MTMR4: variants seen among roughly 807,000 people sequenced by gnomAD.
MTMR4 encodes the protein myotubularin related protein 4.
Under a neutral mutation model 125.5 loss-of-function variants are expected in MTMR4, and 30 were observed. That is an observed-to-expected ratio of 0.24 (90% CI 0.18 to 0.32). The LOEUF is 0.32. MTMR4 is among the 10% of genes least tolerant of loss of function. The pLI is 1.00. For synonymous variants in MTMR4, 498 were observed against 564.5 expected (o/e 0.88, Z 1.67); for missense variants, 1,039 against 1,511.5 (o/e 0.69, Z 5.18).
rs1190365056 is a variant in MTMR4, at chr17:58,504,052, T to A, written c.1696A>T (p.Met566Leu). 6.4e-7 allele frequency: 1 copy of A among 1,553,824 alleles called. No homozygotes were observed. The highest frequency in any genetic ancestry group is 1.4e-5 in the African/African-American group (1 of 72,728). ...ACAGGAAAAGGGCTCAGACTCACCA[T>A]GTCTGAGCTGGGTGTGTAGAGGAAG... ...HNFLYTPSSDMVLHPVCHVRA... is the reference protein window; with the variant it reads ...HNFLYTPSSDLVLHPVCHVRA... The change falls in exon 13 of 18, where the codon ATG becomes TTG. Residue 566 changes from methionine (M) to leucine (L), a missense_variant and splice_region_variant. Around this residue, in one of 6 missense-constraint regions of MTMR4, gnomAD observed 619 missense variants for 714.5 expected, o/e 0.87. Transcript: ENST00000682306. This position sits in a 1 kb window ranked among gnomAD's most constrained non-coding sequence, Gnocchi z 7.1.
At position 58,514,458 on chromosome 17, in the gene MTMR4, C is replaced by T. The variant is rs1339190386; in HGVS notation, c.-51G>A. The T allele has an allele frequency of 2.4e-5, 24 of 984,798 alleles. No individual in the cohort carries two copies. The highest frequency in any genetic ancestry group is 2.8e-5 in the Non-Finnish European group (23 of 829,650). 61.0% of individuals were successfully genotyped at this position (984,798 alleles called of 1,614,324 possible). ...ACATGTCCCCGGAGCCGCTGCGCTG[C>T]CCGCCAGCCCCGGGCGCCCGCCGCA... On this transcript the variant is annotated 5_prime_UTR_variant, in exon 1 of 18. Coordinates refer to ENST00000682306, the MANE Select transcript of MTMR4 (RefSeq NM_001378067.1).
At chr17:58,517,226 C>T (rs902461361), upstream of MTMR4, among the ~76,000 whole-genome samples, 1 of 152,366 alleles carries the variant, frequency 6.6e-6, no homozygotes. Context: ...GGAGGCCACA[C>T]AACAGGGACA....
intron 1 of MTMR4, among the ~76,000 whole-genome samples, chr17:58,513,215 C>T (rs1258532021): frequency 6.6e-6 from 1 of 152,092 alleles, no homozygotes; most frequent in African/African-American, 2.4e-5. Context: ...ATAGAACCAA[C>T]ATTTCAAAAA....
chr17:58,492,379 C>T (rs1878573085), intron 17 of MTMR4, 132 bp downstream of exon 17: 2 of 739,928 alleles, frequency 2.7e-6, no homozygotes, highest in African/African-American at 1.8e-5. Context: ...CCATGTTGGC[C>T]AGGATGGTCT....
chr17:58,517,327 G>A (rs2042030830), upstream of MTMR4, among the ~76,000 whole-genome samples: 1 of 152,240 alleles, frequency 6.6e-6, no homozygotes, highest in Non-Finnish European at 1.5e-5. Context: ...GGCTCACTTA[G>A]GGAGCCAGGC....
At chr17:58,515,815 A>G (rs1976073663), upstream of MTMR4, among the ~76,000 whole-genome samples, 1 of 152,200 alleles carries the variant, frequency 6.6e-6, no homozygotes, top group East Asian at 1.9e-4. Context: ...CCTCTCATCT[A>G]CTGAATTCTT....
At position 58,495,034 on chromosome 17, in the gene MTMR4, C is replaced by A. The variant is rs773592076; in HGVS notation, c.3150G>T (p.Val1050=). 6.2e-7 allele frequency: 1 copy of A among 1,614,094 alleles called. No individual in the cohort carries two copies. The highest frequency in any genetic ancestry group is 8.5e-7 in the Non-Finnish European group (1 of 1,180,052). The change falls in exon 15 of 18, where the codon GTG becomes GTT. Residue 1050 remains valine, a synonymous_variant. Coordinates refer to ENST00000682306, the MANE Select transcript of MTMR4 (RefSeq NM_001378067.1). ...RQIEAGYKQE[V]EQLRRQVREL... ...CACGCACCTGTCGACGTAGCTGCTC[C>A]ACCTCTTGTTTGTACCCTGCTTCGA...
intron 15 of MTMR4, among the ~76,000 whole-genome samples, chr17:58,493,652 C>A (rs1975373936): frequency 6.6e-6 from 1 of 152,132 alleles, no homozygotes; most frequent in Non-Finnish European, 1.5e-5. Context: ...CAGTGCCTGG[C>A]TACGGCTGCT....
At chr17:58,494,090 G>A (rs534253943) in intron 15 of MTMR4, among the ~76,000 whole-genome samples, 8 of 152,062 alleles carry the variant, frequency 5.3e-5, no homozygotes, top group South Asian at 2.1e-4. Context: ...CGAGGTGGGC[G>A]GATCATGAGG....
intron 14 of MTMR4, among the ~76,000 whole-genome samples, chr17:58,502,383 C>A (rs1370452284): frequency 6.6e-6 from 1 of 151,986 alleles, no homozygotes; most frequent in Non-Finnish European, 1.5e-5. Context: ...GCCTTGAACT[C>A]CTGACCTCAA....
rs1262155506 is a variant in MTMR4, at chr17:58,491,170, A to G, written c.*493T>C. 1 of 152,790 alleles carries G rather than the reference A, an allele frequency of 6.5e-6. No individual in the cohort carries two copies. The highest frequency in any genetic ancestry group is 6.5e-5 in the Admixed American group (1 of 15,290). 9.5% of individuals were successfully genotyped at this position (152,790 alleles called of 1,614,324 possible). ...CTAGAAGGAGTGCCTCTAAAGGCTG[A>G]GCCTTCATGCAGACACAGAGCACAG... On this transcript the variant is annotated 3_prime_UTR_variant, in exon 18 of 18. Coordinates refer to ENST00000682306, the MANE Select transcript of MTMR4 (RefSeq NM_001378067.1).
At chr17:58,492,988 C>T in intron 15 of MTMR4, 36 bp from the exon 16 acceptor site, 1 of 1,527,412 alleles carries the variant, frequency 6.5e-7, no homozygotes, top group South Asian at 1.1e-5. Context: ...TTATCTTCAT[C>T]ATCATTAACG....
At position 58,491,468 on chromosome 17, in the gene MTMR4, G is replaced by T; in HGVS notation, c.*195C>A. ...GGTTAGGACCATTACCCCAAGGTGA[G>T]GGTATCACCAGTAGAGGACCTCCTG... On this transcript the variant is annotated 3_prime_UTR_variant, in exon 18 of 18. Transcript: ENST00000682306. 2.0e-6 allele frequency: 1 copy of T among 509,448 alleles called. No homozygotes were observed. The highest frequency in any genetic ancestry group is 2.7e-5 in the South Asian group (1 of 37,594). The allele number at this position is 509,448 out of a possible 1,614,324, so 31.6% of individuals were successfully genotyped here.
At chr17:58,507,385 G>A (rs918063761) in intron 7 of MTMR4, 66 bp from the exon 8 acceptor site, 2 of 1,483,688 alleles carry the variant, frequency 1.3e-6, no homozygotes, top group African/African-American at 2.8e-5. Flanking sequence ...ACCTCAGGGG[G>A]TTAGACCAAA....
At chr17:58,505,002 C>A in intron 10 of MTMR4, 28 bp from the exon 11 acceptor site, 2 of 1,571,738 alleles carry the variant, frequency 1.3e-6, no homozygotes, top group South Asian at 2.4e-5. Flanking sequence ...TCAAGTCGGT[C>A]ACAAAGGGTG....
intron 1 of MTMR4, chr17:58,514,051 G>C (rs1176604752): frequency 6.5e-6 from 1 of 152,956 alleles, no homozygotes; most frequent in Non-Finnish European, 1.5e-5. Flanking sequence ...TTCAGCGGGT[G>C]GGACCAAGAG....
chr17:58,504,681 G>T lies in MTMR4; in HGVS notation c.1341+98C>A. On this transcript the variant is annotated intron_variant, in intron 11 of 17. Coordinates refer to ENST00000682306, the MANE Select transcript of MTMR4 (RefSeq NM_001378067.1). The surrounding 1 kb of genome is among the most constrained non-coding windows in gnomAD (Gnocchi z 7.1). ...AAAAAAGAAAAAAAGAGCCACCAAT[G>T]TCCTCTACTGAAAGATCCCCAGGAC... is the stretch of plus-strand genomic sequence containing the variant. 1 of 1,402,786 alleles carries T rather than the reference G, an allele frequency of 7.1e-7. No homozygotes were observed. Among genetic ancestry groups the T allele is most frequent in the Non-Finnish European group, 9.7e-7 (1 of 1,031,912 alleles). 86.9% of individuals were successfully genotyped at this position (1,402,786 alleles called of 1,614,324 possible).
upstream of MTMR4, chr17:58,516,742 C>G: frequency 3.7e-6 from 3 of 821,572 alleles, no homozygotes; most frequent in Non-Finnish European, 6.1e-6. Flanking sequence ...CACAGAGACT[C>G]CAGTCTCTCC....
intron 14 of MTMR4, among the ~76,000 whole-genome samples, chr17:58,500,444 T>C (rs1041787607): frequency 2.6e-5 from 4 of 152,034 alleles, no homozygotes; most frequent in African/African-American, 9.7e-5. Context: ...CACACATTCT[T>C]ATCTGCTTAG....
Sources: gnomAD v4.1 joint callset for allele counts (sites outside exome capture counted in the v4.1 genomes callset) on GRCh38, gnomAD v4.1.1 for gene constraint, gnomAD v4.1.1 regional missense constraint, Gnocchi (gnomAD v3.1) non-coding constraint, MANE v1.5 for transcripts, NCBI Gene and HGNC (gene_info 2026-07-23, HGNC 2026-07-21) for gene names.